Variants in KIAA1217 observed in about 807,000 individuals in gnomAD.
The protein encoded by KIAA1217 is KIAA1217.
Under a neutral mutation model 163.9 loss-of-function variants are expected in KIAA1217, and 88 were observed. The ratio of observed to expected loss-of-function variants is 0.54; its 90% CI spans 0.45 to 0.64. The LOEUF is 0.64. KIAA1217 is among the 30% of genes least tolerant of loss of function. The pLI, the probability that KIAA1217 is intolerant of heterozygous loss-of-function variation, is 0.00. For synonymous variants in KIAA1217, 903 were observed against 923.1 expected, an observed-to-expected ratio of 0.98 and a Z score of 0.39; for missense variants, 2,372 against 2,475.0, an observed-to-expected ratio of 0.96 and a Z score of 0.88.
chr10:23,751,990 G>A (rs1176883821), intron 1 of KIAA1217, among the ~76,000 whole-genome samples: 1 of 152,156 alleles, frequency 6.6e-6, no homozygotes, highest in African/African-American at 2.4e-5. Context: ...ATGATTATTT[G>A]TTTTACTTTT....
At chr10:24,418,525 A>G (rs1374339788) in intron 3 of KIAA1217, among the ~76,000 whole-genome samples, 3 of 152,368 alleles carry the variant, frequency 2.0e-5, no homozygotes, top group African/African-American at 7.2e-5. Flanking sequence ...ATAGCACTTC[A>G]TGCTGAAAAC....
chr10:23,894,986 T>C (rs1006823449), intron 1 of KIAA1217, among the ~76,000 whole-genome samples: 1 of 152,110 alleles, frequency 6.6e-6, no homozygotes, highest in Non-Finnish European at 1.5e-5. Context: ...ATACAAAAAT[T>C]AATTCAAGAT....
chr10:24,081,650 T>C (rs527319214), intron 2 of KIAA1217, among the ~76,000 whole-genome samples: 125 of 152,232 alleles, frequency 8.2e-4, no homozygotes, highest in African/African-American at 2.7e-3. Context: ...CTGGGCCACA[T>C]TGGAAAAAGA....
rs1183009109 is a variant in KIAA1217 at position 23,934,625 on chromosome 10, A to ATTTTTTTTTT, written c.-320-72599_-320-72590dup. On this transcript the variant is annotated intron_variant, in intron 1 of 18. Coordinates refer to the KIAA1217 transcript ENST00000376462. Reference sequence around the variant, plus strand: ...TATATATGTATATATATATATATATATTTTTTTTTTGAGACGGAGTCTCGC... The same window carrying ATTTTTTTTTT: ...TATATATGTATATATATATATATATATTTTTTTTTTTTTTTTTTTTGAGACGGAGTCTCGC... Among the ~76,000 whole-genome samples, 58 of 68,532 alleles carry ATTTTTTTTTT rather than the reference A, an allele frequency of 8.5e-4. 3 individuals carry two copies. The highest frequency in any genetic ancestry group is 3.4e-3 in the African/African-American group (37 of 10,838). 45.0% of individuals were successfully genotyped at this position (68,532 alleles called of 152,430 possible).
At chr10:24,011,866 C>T (rs1847249023) in intron 2 of KIAA1217, among the ~76,000 whole-genome samples, 1 of 152,104 alleles carries the variant, frequency 6.6e-6, no homozygotes, top group Admixed American at 6.6e-5. Context: ...GTCTCTGCCA[C>T]AGAACAAAGG....
At chr10:24,108,546 A>C (rs1267819843) in intron 2 of KIAA1217, among the ~76,000 whole-genome samples, 2 of 152,352 alleles carry the variant, frequency 1.3e-5, no homozygotes, top group South Asian at 4.1e-4. Context: ...AAGTCAACTA[A>C]AGATTAGAAA....
chr10:23,883,879 T>C (rs184436780), intron 1 of KIAA1217, among the ~76,000 whole-genome samples: 1 of 152,100 alleles, frequency 6.6e-6, no homozygotes, highest in East Asian at 1.9e-4. Flanking sequence ...GCATTGTATG[T>C]CTCTGACTGG....
chr10:24,045,702 T>G (rs779792736), intron 2 of KIAA1217, among the ~76,000 whole-genome samples: 7 of 152,182 alleles, frequency 4.6e-5, no homozygotes, highest in Non-Finnish European at 1.0e-4. Context: ...ATAAGCAATA[T>G]ATTCGTGTGC....
chr10:23,790,210 TATAC>T, intron 1 of KIAA1217, among the ~76,000 whole-genome samples: 2 of 105,162 alleles, frequency 1.9e-5, no homozygotes, highest in African/African-American at 9.2e-5. Flanking sequence ...CATATACACA[TATAC>T]ACATATGCAT....
chr10:24,216,867 A>G (rs1203476787), intron 1 of KIAA1217, among the ~76,000 whole-genome samples: 1 of 149,650 alleles, frequency 6.7e-6, no homozygotes, highest in Non-Finnish European at 1.5e-5. Flanking sequence ...AATAAAATAC[A>G]TAAAAATAAA....
chr10:23,896,221 T>A (rs1041318156), intron 1 of KIAA1217, among the ~76,000 whole-genome samples: 2 of 152,068 alleles, frequency 1.3e-5, no homozygotes, highest in Admixed American at 1.3e-4. Context: ...CTCTATTTTT[T>A]AATTTATCTT....
Position 24,473,507 on chromosome 10 carries a change from G to A in KIAA1217, c.1126G>A (p.Asp376Asn). Residue 376 changes from aspartate to asparagine, a missense_variant, in exon 6 of 21, where the codon GAT becomes AAT. Transcript: ENST00000376454. The stretch of plus-strand genomic sequence containing the variant: ...TTTAGAAAGAAGAGATGTCAAGCCT[G>A]ATGAAGACATGAGTGGCAAAAACAT... ...AILERRDVKPDEDMSGKNIAM... is the reference protein window; with the variant it reads ...AILERRDVKPNEDMSGKNIAM... The A allele has an allele frequency of 6.2e-7, 1 of 1,614,170 alleles. No homozygotes were observed. The highest frequency in any genetic ancestry group is 1.1e-5 in the South Asian group (1 of 91,086).
chr10:23,760,135 G>A (rs1353197807), intron 1 of KIAA1217, among the ~76,000 whole-genome samples: 1 of 152,166 alleles, frequency 6.6e-6, no homozygotes, highest in Non-Finnish European at 1.5e-5. Flanking sequence ...GCAGGTTGGT[G>A]GGCATACACA....
intron 2 of KIAA1217, among the ~76,000 whole-genome samples, chr10:24,011,314 C>T (rs1235599346): frequency 6.6e-6 from 1 of 151,884 alleles, no homozygotes; most frequent in African/African-American, 2.4e-5. Context: ...AGCGAGACCC[C>T]ATCTTTACAA....
chr10:24,008,054 T>C lies in KIAA1217; in HGVS notation c.-171+680T>C, dbSNP rs148220506. On this transcript the variant is annotated intron_variant, in intron 2 of 18. Transcript: ENST00000376462. ...CAATATTTTATGCTAATAAAAACTA[T>C]TAACGTTTTTCATTTTCTCCCATTA... Among the ~76,000 whole-genome samples the C allele has an allele frequency of 2.6e-4, 40 of 152,272 alleles. 1 individual carries two copies. The highest frequency in any genetic ancestry group is 8.9e-4 in the African/African-American group (37 of 41,560).
rs576537721 is a variant in KIAA1217 at position 24,272,176 on chromosome 10, T to C, written c.354+52267T>C. 6.4e-4 allele frequency among the ~76,000 whole-genome samples: 98 copies of C among 152,314 alleles called. 1 individual carries two copies. In the South Asian group the frequency reaches 0.018, roughly 28 times the overall value. The stretch of plus-strand genomic sequence containing the variant: ...CCTGTAACAGATAGCAATGTGTTTA[T>C]GCAGTAAAATTAGATAAGGGAGATT... On this transcript the variant is annotated intron_variant, in intron 2 of 20. Transcript: ENST00000376454.
intron 2 of KIAA1217, among the ~76,000 whole-genome samples, chr10:24,161,941 A>G (rs1226068673): frequency 6.6e-6 from 1 of 152,228 alleles, no homozygotes; most frequent in Non-Finnish European, 1.5e-5. Flanking sequence ...GAAAAGCTTT[A>G]TGAATCTGAT....
chr10:24,543,834 C>T lies in KIAA1217; in HGVS notation c.4564C>T (p.Gln1522Ter), dbSNP rs1423213869. 6.2e-7 allele frequency: 1 copy of T among 1,613,940 alleles called. No homozygotes were observed. Among genetic ancestry groups the T allele is most frequent in the Non-Finnish European group, 8.5e-7 (1 of 1,180,036 alleles). ...CGGACAACAGGTGGAAACAAAGTCA[C>T]AGCCACACTCCCTGGCCACAGAGAC... ...RTGQQVETKS[Q>*]PHSLATETRN... The change falls in exon 19 of 21, where the codon CAG (glutamine) becomes TAG (stop). Residue 1522 changes from glutamine (Q) to a stop codon, truncating the protein, a stop_gained. Transcript: ENST00000376454. LOFTEE classifies it high-confidence loss of function.
chr10:24,409,045 A>T (rs1224602548), intron 3 of KIAA1217, among the ~76,000 whole-genome samples: 3 of 152,206 alleles, frequency 2.0e-5, no homozygotes, highest in Non-Finnish European at 4.4e-5. Flanking sequence ...GGCGTGGATG[A>T]TACAGTAGTT....
Sources: allele counts gnomAD v4.1 joint callset (sites outside exome capture counted in the v4.1 genomes callset), GRCh38; gene constraint gnomAD v4.1.1; transcripts MANE v1.5; gene names NCBI Gene and HGNC (gene_info 2026-07-23, HGNC 2026-07-21).